The following POF1B variants were observed in gnomAD, a reference collection of about 807,000 sequenced individuals.
POF1B encodes protein POF1B.
A neutral mutation model predicts 55.3 loss-of-function variants in POF1B; 53 were observed. The ratio of observed to expected loss-of-function variants is 0.96; its 90% confidence interval spans 0.77 to 1.20. The LOEUF (loss-of-function observed/expected upper bound fraction) is 1.20. Among genes scored for constraint, POF1B ranks in the 50% most tolerant of loss-of-function variants. POF1B has a pLI of 0.00. For synonymous variants in POF1B, 188 were observed against 148.3 expected (o/e 1.27, Z -1.95); for missense variants, 478 against 420.5 (o/e 1.14, Z -1.20).
chrX:85,331,654 C>A (rs748220346), intron 6 of POF1B, among the ~76,000 whole-genome samples: 1 of 110,469 alleles, frequency 9.1e-6, no homozygotes, highest in Non-Finnish European at 1.9e-5. Flanking sequence ...CTATAGTCTC[C>A]CCACAGTGTT....
intron 15 of POF1B, among the ~76,000 whole-genome samples, chrX:85,284,619 C>T (rs1367726129): frequency 1.9e-5 from 2 of 106,440 alleles, no homozygotes; most frequent in African/African-American, 3.6e-5. Flanking sequence ...AAAGCTGAAA[C>T]TGGATCCCTT....
At chrX:85,369,292 T>C (rs1207654796) in intron 2 of POF1B, among the ~76,000 whole-genome samples, 1 of 111,376 alleles carries the variant, frequency 9.0e-6, no homozygotes. Context: ...AATACAACCA[T>C]GTGCAGGCAG....
chrX:85,335,151 C>A (rs1019572321), intron 6 of POF1B, among the ~76,000 whole-genome samples: 5 of 110,804 alleles, frequency 4.5e-5, no homozygotes, highest in Admixed American at 9.7e-5. Context: ...GATTATAAAG[C>A]GCTTAAAATG....
intron 15 of POF1B, among the ~76,000 whole-genome samples, chrX:85,283,341 A>C (rs917146016): frequency 1.8e-4 from 20 of 110,762 alleles, no homozygotes; most frequent in African/African-American, 5.6e-4. Flanking sequence ...AAAATATACA[A>C]GGTATATTCA....
rs1932781573 is a variant in POF1B, at chrX:85,315,722, A to C, written c.867T>G (p.Phe289Leu). The C allele has an allele frequency of 2.5e-6, 3 of 1,181,234 alleles. No individual in the cohort carries two copies. The highest frequency in any genetic ancestry group is 3.4e-6 in the Non-Finnish European group (3 of 882,016). Residue 289 changes from phenylalanine (F) to leucine (L), a missense_variant, in exon 8 of 17, where the codon TTT becomes TTG. Physicochemically the swap from Phe to Leu is conservative, Grantham distance 22 (BLOSUM62 0). Coordinates refer to ENST00000262753, the MANE Select transcript of POF1B (RefSeq NM_024921.4). ...LQRIGGSKQDFESTDESEDIE... is the reference protein window; with the variant it reads ...LQRIGGSKQDLESTDESEDIE... The stretch of plus-strand genomic sequence containing the variant: ...TTGCACTTACCTCATCTGTAGACTC[A>C]AAGTCCTGTTTGCTGCAAGAACAAA...
At chrX:85,332,956 A>C (rs2147926407) in intron 6 of POF1B, among the ~76,000 whole-genome samples, 1 of 111,777 alleles carries the variant, frequency 8.9e-6, no homozygotes, top group African/African-American at 3.2e-5. Flanking sequence ...ATGTTTAAAT[A>C]TCATAGAATT....
At chrX:85,298,498 C>A (rs1294478383) in intron 15 of POF1B, among the ~76,000 whole-genome samples, 1 of 111,738 alleles carries the variant, frequency 8.9e-6, no homozygotes, top group African/African-American at 3.3e-5. Context: ...TGGTGCTTGG[C>A]ACACCAATGC....
At chrX:85,364,015 T>C (rs1279985905) in intron 3 of POF1B, among the ~76,000 whole-genome samples, 2 of 112,193 alleles carry the variant, frequency 1.8e-5, no homozygotes, top group Non-Finnish European at 3.8e-5. Context: ...CTTCTTTGTC[T>C]TTTTAAAAAT....
intron 15 of POF1B, among the ~76,000 whole-genome samples, chrX:85,300,498 A>G (rs970450145): frequency 9.8e-5 from 11 of 112,553 alleles, no homozygotes; most frequent in African/African-American, 3.2e-4. Flanking sequence ...TACAGACTTT[A>G]TAGAATTAAA....
chrX:85,327,086 G>A (rs951196915), intron 7 of POF1B, among the ~76,000 whole-genome samples: 11 of 110,539 alleles, frequency 1.0e-4, no homozygotes, highest in African/African-American at 3.0e-4. Context: ...TCTGGGCTCC[G>A]CACTGACTGG....
chrX:85,285,253 A>G (rs990468444), intron 15 of POF1B, among the ~76,000 whole-genome samples: 16 of 111,503 alleles, frequency 1.4e-4, no homozygotes, highest in Non-Finnish European at 2.4e-4. Flanking sequence ...CGATCCCTCA[A>G]GGATCTAGAA....
intron 15 of POF1B, among the ~76,000 whole-genome samples, chrX:85,300,103 G>C (rs747604414): frequency 9.3e-4 from 105 of 112,413 alleles, no homozygotes; most frequent in African/African-American, 3.2e-3. Flanking sequence ...GACCAAAAAT[G>C]ATAAAAGGAA....
At chrX:85,359,848 T>A (rs1247622006) in intron 3 of POF1B, among the ~76,000 whole-genome samples, 1 of 111,305 alleles carries the variant, frequency 9.0e-6, no homozygotes, top group Non-Finnish European at 1.9e-5. Flanking sequence ...TTATACTCAT[T>A]TCATGGTATT....
At position 85,360,527 on chromosome X, in the gene POF1B, GTATATATATATATATA is replaced by G. The variant is rs142665633; in HGVS notation, c.358-913_358-898del. Among the ~76,000 whole-genome samples, 67 of 58,524 alleles carry G rather than the reference GTATATATATATATATA, an allele frequency of 1.1e-3. 4 individuals carry two copies. The highest frequency in any genetic ancestry group is 4.1e-3 in the African/African-American group (39 of 9,584). The allele number at this position is 58,524 out of a possible 115,157, so 50.8% of individuals were successfully genotyped here. A position where few individuals can be genotyped will look rare whatever the true frequency, so the allele number is the denominator to read the frequency against. Reference sequence around the variant, plus strand: ...ATGGCTGCCTAGTATTCCATGGTATGTATATATATATATATATATATATATATATATACATATATAC... The same window carrying G: ...ATGGCTGCCTAGTATTCCATGGTATGTATATATATATATATACATATATAC... On this transcript the variant is annotated intron_variant, in intron 3 of 16. Transcript: ENST00000262753.
chrX:85,317,009 A>G (rs917697968), intron 7 of POF1B, among the ~76,000 whole-genome samples: 1 of 110,764 alleles, frequency 9.0e-6, no homozygotes, highest in Admixed American at 9.6e-5. Context: ...GTTTGCTAAG[A>G]ATAACAGCCT....
intron 9 of POF1B, among the ~76,000 whole-genome samples, chrX:85,308,831 A>G (rs966623877): frequency 1.8e-5 from 2 of 110,039 alleles, no homozygotes; most frequent in Non-Finnish European, 3.8e-5. Context: ...GTATGCACCA[A>G]CACACCTGGT....
intron 4 of POF1B, among the ~76,000 whole-genome samples, chrX:85,355,612 G>GA (rs1463505462): frequency 1.8e-5 from 2 of 111,095 alleles, no homozygotes; most frequent in African/African-American, 3.3e-5. Context: ...AAATTTACAA[G>GA]AAAAAAACAA....
At chrX:85,334,874 A>C (rs755997950) in intron 6 of POF1B, among the ~76,000 whole-genome samples, 29 of 111,435 alleles carry the variant, frequency 2.6e-4, no homozygotes, top group African/African-American at 8.8e-4. Context: ...ACACTTAACC[A>C]ACCATATTTA....
At chrX:85,355,721 C>T (rs1933480708) in intron 4 of POF1B, among the ~76,000 whole-genome samples, 1 of 112,195 alleles carries the variant, frequency 8.9e-6, no homozygotes, top group Admixed American at 9.4e-5. Context: ...CTCATCGTCA[C>T]TGGCCATCAG....
Sources: allele counts gnomAD v4.1 joint callset (sites outside exome capture counted in the v4.1 genomes callset), GRCh38; gene constraint gnomAD v4.1.1; transcripts MANE v1.5; gene names NCBI Gene and HGNC (gene_info 2026-07-23, HGNC 2026-07-21).